Variants in DGKB observed in about 807,000 individuals in gnomAD.
DGKB encodes diacylglycerol kinase beta.
In DGKB, 67 loss-of-function variants were observed where a neutral mutation model predicts 114.3. The ratio of observed to expected loss-of-function variants is 0.59; its 90% CI spans 0.48 to 0.72. The LOEUF (loss-of-function observed/expected upper bound fraction) is 0.72. Ranked by LOEUF, DGKB falls within the 30% of genes least tolerant of loss-of-function variation. DGKB has a pLI of 0.00. For synonymous variants in DGKB, 398 were observed against 323.1 expected (o/e 1.23, Z -2.49); for missense variants, 907 against 975.2 (o/e 0.93, Z 0.93).
intron 2 of DGKB, among the ~76,000 whole-genome samples, chr7:14,813,277 A>G (rs1843672440): frequency 6.6e-6 from 1 of 152,232 alleles, no homozygotes; most frequent in African/African-American, 2.4e-5. Flanking sequence ...AGTAGTAAAT[A>G]ATGCAACATT....
At chr7:14,321,295 A>G (rs909318932) in intron 23 of DGKB, among the ~76,000 whole-genome samples, 5 of 152,342 alleles carry the variant, frequency 3.3e-5, no homozygotes, top group Admixed American at 3.3e-4. Context: ...TGTCTCAGAA[A>G]AAAAATTAAG....
chr7:14,697,184 C>A (rs1244123818), intron 8 of DGKB, among the ~76,000 whole-genome samples: 1 of 151,852 alleles, frequency 6.6e-6, no homozygotes, highest in Admixed American at 6.6e-5. Context: ...AATAAGAATT[C>A]TATATTCTTA....
At chr7:14,662,353 T>C (rs1296629037) in intron 13 of DGKB, among the ~76,000 whole-genome samples, 1 of 151,998 alleles carries the variant, frequency 6.6e-6, no homozygotes, top group Non-Finnish European at 1.5e-5. Context: ...ACAAATGTTC[T>C]GTTTTAGGAA....
intron 1 of DGKB, among the ~76,000 whole-genome samples, chr7:14,959,005 T>A (rs1254505697): frequency 6.6e-6 from 1 of 152,244 alleles, no homozygotes; most frequent in Non-Finnish European, 1.5e-5. Flanking sequence ...CTCTGTCATT[T>A]GGTTGAAGAA....
At chr7:14,475,659 C>T (rs981959480) in intron 21 of DGKB, among the ~76,000 whole-genome samples, 9 of 152,064 alleles carry the variant, frequency 5.9e-5, no homozygotes, top group African/African-American at 2.2e-4. Flanking sequence ...CAAAGACTCC[C>T]TATAAGCTAT....
intron 13 of DGKB, among the ~76,000 whole-genome samples, chr7:14,658,168 C>T (rs1816247935): frequency 6.6e-6 from 1 of 151,746 alleles, no homozygotes; most frequent in African/African-American, 2.4e-5. Flanking sequence ...GGTAGAGATA[C>T]GTAGATTGCT....
At chr7:14,768,430 A>C (rs115242825) in intron 2 of DGKB, among the ~76,000 whole-genome samples, 4 of 147,998 alleles carry the variant, frequency 2.7e-5, no homozygotes, top group African/African-American at 1.1e-4. Context: ...TTCCAGGTAC[A>C]GCATTCTCTG....
intron 21 of DGKB, among the ~76,000 whole-genome samples, chr7:14,444,118 T>C (rs891559955): frequency 1.3e-5 from 2 of 151,890 alleles, no homozygotes; most frequent in African/African-American, 2.4e-5. Context: ...TTCAAATAAA[T>C]TGGTTTTGTA....
intron 1 of DGKB, among the ~76,000 whole-genome samples, chr7:14,972,627 C>T (rs998601615): frequency 1.4e-4 from 21 of 150,578 alleles, no homozygotes; most frequent in South Asian, 2.1e-4. Flanking sequence ...TATTTGAATG[C>T]CTCTTATAAG....
At chr7:14,208,284 AG>A (rs1230344890) in intron 23 of DGKB, among the ~76,000 whole-genome samples, 1 of 151,992 alleles carries the variant, frequency 6.6e-6, no homozygotes, top group Non-Finnish European at 1.5e-5. Context: ...AAAATATTTC[AG>A]GGATGGAACA....
rs116691573 is a variant in DGKB, at chr7:14,844,548, C to T, written c.-187-3098G>A. Among the ~76,000 whole-genome samples, 1,459 of 152,250 alleles carry T rather than the reference C, an allele frequency of 9.6e-3. 21 individuals carry two copies. Among genetic ancestry groups the T allele is most frequent in the African/African-American group, 0.034 (1,400 of 41,544 alleles). The stretch of plus-strand genomic sequence containing the variant: ...AAACCCAGAAACCTGATCACTCTTA[C>T]ATTTCTGAAATGTCAGTATCTTCAT... On this transcript the variant is annotated intron_variant, in intron 1 of 25. Transcript: ENST00000402815.
At chr7:14,649,185 C>T (rs1216670933) in intron 13 of DGKB, among the ~76,000 whole-genome samples, 5 of 144,136 alleles carry the variant, frequency 3.5e-5, no homozygotes, top group Non-Finnish European at 7.6e-5. Flanking sequence ...CTGTAAGACA[C>T]ATAATTGTCA....
At chr7:14,693,173 C>T (rs1823187097) in intron 9 of DGKB, among the ~76,000 whole-genome samples, 1 of 152,022 alleles carries the variant, frequency 6.6e-6, no homozygotes, top group South Asian at 2.1e-4. Context: ...GGTCTTACAC[C>T]TTAAAACTCT....
At position 14,910,172 on chromosome 7, in the gene DGKB, C is replaced by T. The variant is rs560456758; in HGVS notation, c.-188+64524G>A. Among the ~76,000 whole-genome samples the T allele has an allele frequency of 4.0e-5, 6 of 151,026 alleles. No homozygotes were observed. In the South Asian group the frequency reaches 1.0e-3, roughly 26 times the overall value. ...AGGAGAATTGCTTGAACCTGGGAGG[C>T]AGAGGTTGCAGTGATCCGAGATTGC... On this transcript the variant is annotated intron_variant, in intron 1 of 4. Coordinates refer to the DGKB transcript ENST00000437998.
At chr7:14,916,303 G>C (rs1294761518) in intron 1 of DGKB, among the ~76,000 whole-genome samples, 1 of 151,916 alleles carries the variant, frequency 6.6e-6, no homozygotes, top group Non-Finnish European at 1.5e-5. Context: ...AAAAGAGCAA[G>C]TGCAATGTGT....
Position 14,196,897 on chromosome 7 carries a change from G to A in DGKB, c.2123-18746C>T, listed in dbSNP as rs938639125. Among the ~76,000 whole-genome samples, 8 of 152,018 alleles carry A rather than the reference G, an allele frequency of 5.3e-5. 1 individual carries two copies. Among genetic ancestry groups the A allele is most frequent in the Admixed American group, 5.3e-4 (8 of 15,234 alleles). ...TTTTCATTGATGTTTTAAAAAGCGT[G>A]TTATTTTATCTTTACAAAGGAACTG... On this transcript the variant is annotated intron_variant, in intron 23 of 25. Transcript: ENST00000402815.
At chr7:14,778,725 G>C (rs1367302476) in intron 2 of DGKB, among the ~76,000 whole-genome samples, 2 of 152,158 alleles carry the variant, frequency 1.3e-5, no homozygotes, top group Non-Finnish European at 2.9e-5. Flanking sequence ...GAGTTGACTT[G>C]TAACCTTGAC....
At chr7:14,697,683 A>AAAGGAAGGAAGG (rs747233094) in intron 8 of DGKB, among the ~76,000 whole-genome samples, 2 of 147,808 alleles carry the variant, frequency 1.4e-5, no homozygotes, top group East Asian at 1.9e-4. Context: ...AAAGAAAAGA[A>AAAGGAAGGAAGG]AAGGAAGGAA....
At chr7:14,179,932 T>C (rs539809828) in intron 23 of DGKB, among the ~76,000 whole-genome samples, 47 of 152,320 alleles carry the variant, frequency 3.1e-4, no homozygotes, top group African/African-American at 1.1e-3. Context: ...AAATTCATGT[T>C]GCCAAGAACA....
Sources: gnomAD v4.1 joint callset for allele counts (sites outside exome capture counted in the v4.1 genomes callset) on GRCh38, gnomAD v4.1.1 for gene constraint, MANE v1.5 for transcripts, NCBI Gene and HGNC (gene_info 2026-07-23, HGNC 2026-07-21) for gene names.